Variants in LRRC38 observed in about 807,000 individuals in gnomAD.
LRRC38 encodes the protein leucine-rich repeat-containing protein 38.
LRRC38 carries 5 observed loss-of-function variants against 16.4 expected under a neutral mutation model. The observed-to-expected ratio is 0.31, with a 90% CI of 0.16 to 0.64. LRRC38 has a LOEUF of 0.64. LRRC38 is among the 30% of genes least tolerant of loss of function. The pLI is 0.80. For missense variants in LRRC38, 341 were observed against 401.8 expected, an observed-to-expected ratio of 0.85 and a Z score of 1.29; for synonymous variants, 191 against 190.2, an observed-to-expected ratio of 1.00 and a Z score of -0.04.
intron 1 of LRRC38, among the ~76,000 whole-genome samples, chr1:13,476,644 T>C (rs1638792670): frequency 6.6e-6 from 1 of 152,162 alleles, no homozygotes; most frequent in Non-Finnish European, 1.5e-5. Context: ...TATTACTCTT[T>C]TGATTTTGAA....
At chr1:13,506,262 C>G (rs200177697) in intron 1 of LRRC38, among the ~76,000 whole-genome samples, 1 of 152,056 alleles carries the variant, frequency 6.6e-6, no homozygotes, top group East Asian at 1.9e-4. Context: ...AACCCCAGGA[C>G]AGGTAACAGC....
intron 1 of LRRC38, among the ~76,000 whole-genome samples, chr1:13,476,305 G>A (rs1331991329): frequency 6.6e-6 from 1 of 150,450 alleles, no homozygotes; most frequent in Admixed American, 6.6e-5. Flanking sequence ...GTTGGAACGT[G>A]CTGGTCTTCA....
At position 13,513,931 on chromosome 1, in the gene LRRC38, C is replaced by G. The variant is rs1370666562; in HGVS notation, c.-338G>C. The stretch of plus-strand genomic sequence containing the variant: ...GAGTGGCCGTCGCCAAAACGCGGCC[C>G]CACCCTGGCAGCTGATTTCCGAGAT... On this transcript the variant is annotated 5_prime_UTR_variant, in exon 1 of 2. Transcript: ENST00000376085. 6.6e-6 allele frequency: 1 copy of G among 151,862 alleles called. No individual in the cohort carries two copies. The highest frequency in any genetic ancestry group is 1.5e-5 in the Non-Finnish European group (1 of 68,124). 9.4% of individuals were successfully genotyped at this position (151,862 alleles called of 1,614,324 possible).
intron 1 of LRRC38, among the ~76,000 whole-genome samples, chr1:13,476,729 C>T (rs573500848): frequency 1.3e-5 from 2 of 152,268 alleles, no homozygotes; most frequent in East Asian, 1.9e-4. Flanking sequence ...AATCCAGACC[C>T]GACTAGTAGC....
At chr1:13,502,223 G>A (rs748692195) in intron 1 of LRRC38, among the ~76,000 whole-genome samples, 18 of 151,394 alleles carry the variant, frequency 1.2e-4, no homozygotes, top group Non-Finnish European at 1.9e-4. Flanking sequence ...TTACAAGTGT[G>A]AGCCACCGCA....
In LRRC38 at chr1:13,479,945, A is replaced by T. The variant is rs957079824; in HGVS notation, c.632-3846T>A. Among the ~76,000 whole-genome samples, 7 of 152,118 alleles carry T rather than the reference A, an allele frequency of 4.6e-5. No homozygotes were observed. In the East Asian group the frequency reaches 1.4e-3, roughly 29 times the overall value. ...CATCACTGACATTTGGGACAGGAAC[A>T]TTTTTTTGACATAGGGGCCGTCCTG... On this transcript the variant is annotated intron_variant, in intron 1 of 1. Transcript: ENST00000376085.
chr1:13,475,267 T>C lies in LRRC38; in HGVS notation c.*579A>G, dbSNP rs1380190271. On this transcript the variant is annotated 3_prime_UTR_variant, in exon 2 of 2. Transcript: ENST00000376085. The surrounding 1 kb of genome is among the most constrained non-coding windows in gnomAD (Gnocchi z 4.3). The stretch of plus-strand genomic sequence containing the variant: ...TCACATTGGGGATTAGGTTTCAACA[T>C]ATAAAATCTGGGGGAACATAAACAT... 6.5e-6 allele frequency: 1 copy of C among 153,582 alleles called. No individual in the cohort carries two copies. The highest frequency in any genetic ancestry group is 1.5e-5 in the Non-Finnish European group (1 of 68,954). 9.5% of individuals were successfully genotyped at this position (153,582 alleles called of 1,614,324 possible).
chr1:13,476,303 G>A (rs777166721), intron 1 of LRRC38, among the ~76,000 whole-genome samples: 3 of 150,458 alleles, frequency 2.0e-5, no homozygotes, highest in Admixed American at 6.6e-5. Flanking sequence ...AAGTTGGAAC[G>A]TGCTGGTCTT....
At chr1:13,500,487 G>T (rs1303633728) in intron 1 of LRRC38, among the ~76,000 whole-genome samples, 2 of 152,134 alleles carry the variant, frequency 1.3e-5, no homozygotes, top group Non-Finnish European at 2.9e-5. Flanking sequence ...TTCAGCAACA[G>T]GCTAATCAGA....
intron 1 of LRRC38, among the ~76,000 whole-genome samples, chr1:13,494,618 AGCCT>A (rs1039487872): frequency 3.3e-5 from 5 of 152,170 alleles, no homozygotes; most frequent in African/African-American, 7.2e-5. Context: ...CGAAATCAAA[AGCCT>A]GTGTTCTTAG....
chr1:13,475,804 G>T lies in LRRC38; in HGVS notation c.*42C>A, dbSNP rs1638779294. The T allele has an allele frequency of 1.3e-6, 2 of 1,537,350 alleles. No homozygotes were observed. Among genetic ancestry groups the T allele is most frequent in the South Asian group, 2.4e-5 (2 of 83,096 alleles). On this transcript the variant is annotated 3_prime_UTR_variant, in exon 2 of 2. Transcript: ENST00000376085. The surrounding 1 kb of genome is among the most constrained non-coding windows in gnomAD (Gnocchi z 4.3). ...CCCTCTCGTCTTGGAGAGAGCTTCT[G>T]GTTCGGTGCTGGAGAGTAAGAGGCA...
intron 1 of LRRC38, among the ~76,000 whole-genome samples, chr1:13,509,756 C>T (rs924259330): frequency 6.6e-6 from 1 of 152,150 alleles, no homozygotes; most frequent in Non-Finnish European, 1.5e-5. Context: ...GACTTACGGT[C>T]CTCCTACCTA....
intron 1 of LRRC38, among the ~76,000 whole-genome samples, chr1:13,479,745 AAG>A (rs1638829266): frequency 1.3e-5 from 2 of 152,284 alleles, no homozygotes; most frequent in South Asian, 2.1e-4. Context: ...GAGTTGGACG[AAG>A]AGAGTCTGCC....
intron 1 of LRRC38, among the ~76,000 whole-genome samples, chr1:13,503,504 G>A (rs1258242701): frequency 6.6e-6 from 1 of 152,098 alleles, no homozygotes; most frequent in African/African-American, 2.4e-5. Context: ...GCTGACCTCA[G>A]GTGATCTGCC....
intron 1 of LRRC38, among the ~76,000 whole-genome samples, chr1:13,482,079 T>C (rs1240676200): frequency 6.6e-6 from 1 of 152,178 alleles, no homozygotes; most frequent in Non-Finnish European, 1.5e-5. Flanking sequence ...TGGCTTCCTT[T>C]AATTCATGCA....
chr1:13,511,328 G>C (rs1229159202), intron 1 of LRRC38, among the ~76,000 whole-genome samples: 1 of 152,098 alleles, frequency 6.6e-6, no homozygotes, highest in East Asian at 1.9e-4. Context: ...GACCCACCCA[G>C]AGTCCCCCAG....
At chr1:13,499,962 A>G (rs933598196) in intron 1 of LRRC38, among the ~76,000 whole-genome samples, 4 of 152,172 alleles carry the variant, frequency 2.6e-5, no homozygotes, top group African/African-American at 9.7e-5. Flanking sequence ...AGATAGCTAC[A>G]AAGATTGGCT....
chr1:13,498,862 G>A (rs1021033240), intron 1 of LRRC38, among the ~76,000 whole-genome samples: 10 of 152,148 alleles, frequency 6.6e-5, no homozygotes, highest in East Asian at 3.9e-4. Flanking sequence ...CATCGGCAGC[G>A]CTGGTTCTCT....
At chr1:13,492,425 G>A (rs1236913789) in intron 1 of LRRC38, among the ~76,000 whole-genome samples, 1 of 152,134 alleles carries the variant, frequency 6.6e-6, no homozygotes, top group South Asian at 2.1e-4. Context: ...TTTTGGCCGG[G>A]TGCGGTGGCT....
Sources: allele counts gnomAD v4.1 joint callset (sites outside exome capture counted in the v4.1 genomes callset), GRCh38; gene constraint gnomAD v4.1.1; non-coding constraint Gnocchi (gnomAD v3.1); transcripts MANE v1.5; gene names NCBI Gene and HGNC (gene_info 2026-07-23, HGNC 2026-07-21).